Variants in MAGIX observed in about 807,000 individuals in gnomAD.
MAGIX encodes PDZ domain-containing protein MAGIX.
MAGIX carries 13 observed loss-of-function variants against 10.0 expected under a neutral mutation model. The ratio of observed to expected loss-of-function variants is 1.30; its 90% CI spans 0.84 to 2.06. The LOEUF (loss-of-function observed/expected upper bound fraction) is 2.06. MAGIX is among the 30% of genes most tolerant of loss of function. The pLI, the probability that MAGIX is intolerant of heterozygous loss-of-function variation, is 0.00. For missense variants in MAGIX, 235 were observed against 245.2 expected, an observed-to-expected ratio of 0.96 and a Z score of 0.28; for synonymous variants, 108 against 106.8, an observed-to-expected ratio of 1.01 and a Z score of -0.07.
intron 4 of MAGIX, 87 bp from the exon 6 acceptor site, chrX:49,165,987 C>T: frequency 1.1e-6 from 1 of 942,408 alleles, no homozygotes; most frequent in South Asian, 2.3e-5. Context: ...AGGGTCTCAT[C>T]TCCCGCAGCC....
At chrX:49,165,068 C>T in exon 3 of MAGIX, 1 of 1,206,977 alleles carries the variant, frequency 8.3e-7, no homozygotes, top group Non-Finnish European at 1.1e-6. Flanking sequence ...GATGGCCCAG[C>T]ACAGCGCTGT....
At chrX:49,164,442 G>A (rs2065351995) in intron 2 of MAGIX, 1 of 435,442 alleles carries the variant, frequency 2.3e-6, no homozygotes, top group African/African-American at 2.5e-5. Flanking sequence ...GTTATTAGAG[G>A]GAGATAGGAA....
exon 5 of MAGIX, chrX:49,167,164 C>T (rs1284842643): frequency 1.8e-5 from 2 of 114,060 alleles, no homozygotes; most frequent in African/African-American, 3.2e-5. Flanking sequence ...GAGTCAGCGC[C>T]CCTGGACGGG....
At chrX:49,167,173 G>C (rs782234255) in exon 5 of MAGIX, 1 of 114,111 alleles carries the variant, frequency 8.8e-6, no homozygotes, top group Non-Finnish European at 1.9e-5. Flanking sequence ...CCCCTGGACG[G>C]GCCGGGCTAA....
chrX:49,165,610 G>C (rs984880944), intron 4 of MAGIX: 1 of 380,373 alleles, frequency 2.6e-6, no homozygotes, highest in East Asian at 4.2e-5. Flanking sequence ...TCCAGGTACT[G>C]GGGGAAGAGA....
chrX:49,164,499 G>A, intron 2 of MAGIX: 1 of 483,715 alleles, frequency 2.1e-6, no homozygotes, highest in Non-Finnish European at 3.6e-6. Context: ...TGTTTATTAA[G>A]AAGGTGGGGT....
chrX:49,163,447 A>C, intron 1 of MAGIX: 3 of 163,663 alleles, frequency 1.8e-5, no homozygotes, highest in East Asian at 1.3e-4. Flanking sequence ...ATCTGGGGAA[A>C]TGGGGTCCCC....
At chrX:49,166,247 CCTGAGCGCCGCG>C in exon 5 of MAGIX, 1 of 1,203,006 alleles carries the variant, frequency 8.3e-7, no homozygotes, top group Non-Finnish European at 1.1e-6. Context: ...GGTTTCTCCT[CCTGAGCGCCGCG>C]CTGAGGATCC....
chrX:49,166,484 C>G, exon 5 of MAGIX: 1 of 817,643 alleles, frequency 1.2e-6, no homozygotes, highest in East Asian at 3.5e-5. Flanking sequence ...GGCACCTCCC[C>G]AAGAGCTTCC....
exon 5 of MAGIX, chrX:49,167,027 T>C (rs2065372437): frequency 8.8e-6 from 1 of 113,609 alleles, no homozygotes; most frequent in South Asian, 3.5e-4. Context: ...GGCAGCTTCC[T>C]TCGCCAGAGG....
At position 49,164,866 on chromosome X, in the gene MAGIX, C is replaced by A. The variant is rs376646988; in HGVS notation, c.106C>A (p.Arg36Ser). ...ACACCTGTGTCCTTTATTCCAGCAC[C>A]GTTGGTTAGAGACATGTAACGCACC... Residue 36 changes from arginine (R) to serine (S), a missense_variant, in exon 3 of 5, where the codon CGT becomes AGT. Physicochemically the swap from Arg to Ser is moderately radical, Grantham distance 110 (BLOSUM62 -1). Transcript: ENST00000616266. 1.7e-6 allele frequency: 2 copies of A among 1,210,407 alleles called. No individual in the cohort carries two copies. The highest frequency in any genetic ancestry group is 3.5e-5 in the African/African-American group (2 of 57,480).
chrX:49,165,239 C>G, exon 4 of MAGIX: 1 of 1,183,885 alleles, frequency 8.4e-7, no homozygotes. Flanking sequence ...CAGGGCCTCA[C>G]CCATGCCCAG....
intron 3 of MAGIX, 32 bp from the exon 5 acceptor site, chrX:49,165,158 C>T: frequency 8.3e-7 from 1 of 1,201,603 alleles, no homozygotes; most frequent in South Asian, 1.8e-5. Context: ...CTCCTTTTGC[C>T]TTTCCAACAC....
chrX:49,166,332 G>A (rs1340032610), exon 5 of MAGIX: 11 of 1,167,985 alleles, frequency 9.4e-6, no homozygotes, highest in Non-Finnish European at 1.3e-5. Flanking sequence ...CGGCTCTCGC[G>A]GGCCCTAGGG....
chrX:49,163,829 G>T, exon 2 of MAGIX: 1 of 1,043,237 alleles, frequency 9.6e-7, no homozygotes, highest in Non-Finnish European at 1.2e-6. Context: ...GGCAGCTCCT[G>T]GCGCGGTTGG....
exon 3 of MAGIX, chrX:49,164,817 C>G (rs1557097206): frequency 1.7e-6 from 2 of 1,208,079 alleles, no homozygotes; most frequent in African/African-American, 3.5e-5. Flanking sequence ...TATCGGAGGC[C>G]TCCTGCCTCA....
At chrX:49,166,825 C>T in exon 5 of MAGIX, 1 of 131,987 alleles carries the variant, frequency 7.6e-6, no homozygotes, top group Non-Finnish European at 1.5e-5. Flanking sequence ...TCTCCTGCTC[C>T]TCTCCTTATT....
Position 49,163,767 on chromosome X carries a change from C to A in MAGIX, c.-201-16C>A. 1 of 1,041,856 alleles carries A rather than the reference C, an allele frequency of 9.6e-7. No homozygotes were observed. Among genetic ancestry groups the A allele is most frequent in the Non-Finnish European group, 1.2e-6 (1 of 817,396 alleles). 85.9% of individuals were successfully genotyped at this position (1,041,856 alleles called of 1,213,427 possible). The stretch of plus-strand genomic sequence containing the variant: ...AGGCCGAGGGTCGGCGTTGACCTGT[C>A]CCCTCTTGCGCGCAGGCCGCGGCCC... On this transcript the variant is annotated splice_polypyrimidine_tract_variant and intron_variant, in intron 1 of 4. Transcript: ENST00000616266.
chrX:49,165,073 C>T (rs782171443), exon 3 of MAGIX: 7 of 1,203,676 alleles, frequency 5.8e-6, no homozygotes, highest in South Asian at 1.8e-5. Flanking sequence ...CCCAGCACAG[C>T]GCTGTGGTCG....
Sources: allele counts gnomAD v4.1 joint callset, GRCh38; gene constraint gnomAD v4.1.1; transcripts MANE v1.5; gene names NCBI Gene and HGNC (gene_info 2026-07-23, HGNC 2026-07-21).